PPWD1: variants seen among roughly 807,000 people sequenced by gnomAD.
PPWD1 encodes the protein peptidylprolyl isomerase domain and WD repeat containing 1, also known as peptidylprolyl isomerase domain and WD repeat-containing protein 1.
A neutral mutation model predicts 68.8 loss-of-function variants in PPWD1; 43 were observed. The ratio of observed to expected loss-of-function variants is 0.62; its 90% CI spans 0.49 to 0.81. PPWD1 has a LOEUF of 0.81. Among genes scored for constraint, PPWD1 ranks in the 30% least tolerant of loss-of-function variants. PPWD1 has a pLI of 0.00. For missense variants in PPWD1, 672 were observed against 804.8 expected, an observed-to-expected ratio of 0.83 and a Z score of 2.00; for synonymous variants, 232 against 258.7, an observed-to-expected ratio of 0.90 and a Z score of 0.99.
At chr5:65,584,265 G>T (rs968781588) in intron 8 of PPWD1, among the ~76,000 whole-genome samples, 7 of 152,080 alleles carry the variant, frequency 4.6e-5, no homozygotes, top group Non-Finnish European at 8.8e-5. Context: ...GTTTGCTGAT[G>T]TACTTGGGTA....
rs993359332 is a variant in PPWD1, at chr5:65,578,560, T to G, written c.1161-864T>G. 2.0e-5 allele frequency among the ~76,000 whole-genome samples: 3 copies of G among 152,112 alleles called. No individual in the cohort carries two copies. In the South Asian group the frequency reaches 6.2e-4, roughly 31 times the overall value. ...GATGTGTAATGGTATCTTGTTTTAGTGTGGATTTCCCTGGCAACATATGAG... is the reference window on the plus strand; with the variant it reads ...GATGTGTAATGGTATCTTGTTTTAGGGTGGATTTCCCTGGCAACATATGAG... On this transcript the variant is annotated intron_variant, in intron 6 of 10. Transcript: ENST00000261308.
intron 6 of PPWD1, among the ~76,000 whole-genome samples, chr5:65,578,756 A>ATG (rs1235894816): frequency 1.4e-5 from 1 of 73,970 alleles, no homozygotes; most frequent in South Asian, 3.3e-4. Context: ...ACACACATAT[A>ATG]TGTGTATATA....
rs754730489 is a variant in PPWD1, at chr5:65,571,956, G to A, written c.639G>A (p.Gln213=). ...IFIYDGRGDN[Q]PLHIFDKLHT... Reference sequence around the variant, plus strand: ...TTTATGATGGCCGAGGAGATAACCAGCCACTTCATATTTTTGACAAACTCC... The same window carrying A: ...TTTATGATGGCCGAGGAGATAACCAACCACTTCATATTTTTGACAAACTCC... Residue 213 remains glutamine, a synonymous_variant, in exon 5 of 11, where the codon CAG becomes CAA. Coordinates refer to ENST00000261308, the MANE Select transcript of PPWD1 (RefSeq NM_015342.4). 3.7e-6 allele frequency: 6 copies of A among 1,613,874 alleles called. No individual in the cohort carries two copies. Among genetic ancestry groups the A allele is most frequent in the Non-Finnish European group, 5.1e-6 (6 of 1,179,940 alleles).
At chr5:65,581,509 C>T (rs566029569) in intron 7 of PPWD1, among the ~76,000 whole-genome samples, 121 of 152,180 alleles carry the variant, frequency 8.0e-4, no homozygotes, top group African/African-American at 2.8e-3. Context: ...TCTCTTGAGC[C>T]AACGAATTCA....
intron 4 of PPWD1, 148 bp downstream of exon 4, chr5:65,570,146 A>G: frequency 8.1e-7 from 1 of 1,232,576 alleles, no homozygotes. Flanking sequence ...AATTAGATAC[A>G]GTGAAGCCTT....
At position 65,563,477 on chromosome 5, in the gene PPWD1, T is replaced by G. The variant is rs774546233; in HGVS notation, c.167T>G (p.Val56Gly). Reference sequence around the variant, plus strand: ...GAGCGCTGGGTTGGACCTTTACCTGTGGAGGCAACACTGGCCAAGAAGAGG... The same window carrying G: ...GAGCGCTGGGTTGGACCTTTACCTGGGGAGGCAACACTGGCCAAGAAGAGG... ...NEERWVGPLP[V>G]EATLAKKRKV... Residue 56 changes from valine (V) to glycine (G), a missense_variant, in exon 1 of 11, where the codon GTG becomes GGG. This residue lies in a region of PPWD1 where 188 missense variants were observed against 158.6 expected (regional missense o/e 1.19). Coordinates refer to ENST00000261308, the MANE Select transcript of PPWD1 (RefSeq NM_015342.4). The G allele has an allele frequency of 1.3e-5, 21 of 1,613,564 alleles. No homozygotes were observed. Among genetic ancestry groups the G allele is most frequent in the African/African-American group, 2.7e-5 (2 of 74,846 alleles).
At chr5:65,566,201 T>C (rs1287712202) in intron 1 of PPWD1, among the ~76,000 whole-genome samples, 2 of 152,190 alleles carry the variant, frequency 1.3e-5, no homozygotes, top group Non-Finnish European at 2.9e-5. Flanking sequence ...AAAATAACGA[T>C]GTTGAAGAGA....
At chr5:65,578,094 A>C (rs557387570) in intron 6 of PPWD1, among the ~76,000 whole-genome samples, 22 of 152,354 alleles carry the variant, frequency 1.4e-4, no homozygotes, top group Middle Eastern at 3.4e-3. Flanking sequence ...AGCTAAAATC[A>C]TACAGTATGT....
At chr5:65,580,480 CAACTCCT>C (rs1251619144) in intron 7 of PPWD1, among the ~76,000 whole-genome samples, 3 of 152,182 alleles carry the variant, frequency 2.0e-5, no homozygotes, top group Non-Finnish European at 4.4e-5. Flanking sequence ...CACCTCTCTC[CAACTCCT>C]AACTCATACT....
intron 5 of PPWD1, among the ~76,000 whole-genome samples, chr5:65,576,007 T>C (rs1255082465): frequency 1.3e-5 from 2 of 152,260 alleles, no homozygotes; most frequent in African/African-American, 4.8e-5. Context: ...ACGTGTCTAC[T>C]GAGCATTTGA....
intron 5 of PPWD1, chr5:65,576,351 C>G: frequency 1.0e-6 from 1 of 974,982 alleles, no homozygotes; most frequent in Non-Finnish European, 1.2e-6. Flanking sequence ...ATTAGAAGAA[C>G]CAGTTACCAT....
At chr5:65,569,576 C>G in intron 2 of PPWD1, 56 bp from the exon 3 acceptor site, 1 of 1,488,636 alleles carries the variant, frequency 6.7e-7, no homozygotes, top group Non-Finnish European at 9.1e-7. Context: ...TTTGGGAATA[C>G]TAAGTGATTC....
intron 6 of PPWD1, among the ~76,000 whole-genome samples, chr5:65,578,779 T>C (rs1753444034): frequency 1.6e-5 from 2 of 123,676 alleles, no homozygotes; most frequent in Admixed American, 1.6e-4. Context: ...TATACATATA[T>C]ATGTGTATAT....
At chr5:65,573,797 T>C (rs468821) in intron 5 of PPWD1, among the ~76,000 whole-genome samples, 93,994 of 151,566 alleles carry the variant, frequency 0.62, 29,415 homozygotes, top group South Asian at 0.65. Flanking sequence ...TGTTTTAACT[T>C]ATGATTCTAT....
rs149293765 is a variant in PPWD1, at chr5:65,563,608, C to T, written c.196+102C>T. On this transcript the variant is annotated intron_variant, in intron 1 of 10. Transcript: ENST00000261308. ...AGGGATGATGTGTGGAGTTTTGTGC[C>T]CTCAGAACAGAGGGCCGTCCTCTCA... The T allele has an allele frequency of 1.6e-5, 23 of 1,443,062 alleles. No homozygotes were observed. In the East Asian group the frequency reaches 4.2e-4, roughly 26 times the overall value. The allele number at this position is 1,443,062 out of a possible 1,614,324, so 89.4% of individuals were successfully genotyped here. A position where few individuals can be genotyped will look rare whatever the true frequency, so the allele number is the denominator to read the frequency against.
At chr5:65,564,409 A>G (rs1012774534) in intron 1 of PPWD1, among the ~76,000 whole-genome samples, 1 of 148,926 alleles carries the variant, frequency 6.7e-6, no homozygotes, top group Non-Finnish European at 1.5e-5. Flanking sequence ...GCTCACCGCA[A>G]CCTCCGTCTC....
intron 2 of PPWD1, chr5:65,569,288 G>A (rs1441183268): frequency 3.7e-6 from 1 of 273,714 alleles, no homozygotes; most frequent in African/African-American, 2.3e-5. Flanking sequence ...CTGACAAATA[G>A]TTTATTTTCT....
chr5:65,572,808 A>G (rs925311008), intron 5 of PPWD1, among the ~76,000 whole-genome samples: 1 of 152,090 alleles, frequency 6.6e-6, no homozygotes. Flanking sequence ...CTTTCCAAAT[A>G]TACTTTAAAT....
chr5:65,576,734 C>T, intron 5 of PPWD1, 145 bp from the exon 6 acceptor site: 2 of 1,334,070 alleles, frequency 1.5e-6, no homozygotes, highest in South Asian at 1.9e-5. Flanking sequence ...GTTTAGAATC[C>T]CTCTTAAGAA....
Sources: gnomAD v4.1 joint callset for allele counts (sites outside exome capture counted in the v4.1 genomes callset) on GRCh38, gnomAD v4.1.1 for gene constraint, gnomAD v4.1.1 regional missense constraint, MANE v1.5 for transcripts, NCBI Gene and HGNC (gene_info 2026-07-23, HGNC 2026-07-21) for gene names.